TACC2: variants seen among roughly 807,000 people sequenced by gnomAD.
TACC2 encodes transforming acidic coiled-coil containing protein 2.
In TACC2, 137 loss-of-function variants were observed where a neutral mutation model predicts 227.3. The ratio of observed to expected loss-of-function variants is 0.60; its 90% CI spans 0.52 to 0.69. TACC2 has a LOEUF of 0.69. TACC2 is among the 30% of genes least tolerant of loss of function. TACC2 has a pLI of 0.00. For synonymous variants in TACC2, 1,523 were observed against 1,487.5 expected (o/e 1.02, Z -0.55); for missense variants, 3,470 against 3,694.4 (o/e 0.94, Z 1.57).
chr10:122,074,142 G>A (rs1415521862), intron 3 of TACC2, among the ~76,000 whole-genome samples: 2 of 147,060 alleles, frequency 1.4e-5, no homozygotes, highest in African/African-American at 5.1e-5. Context: ...ATGCAGTGGC[G>A]TGATCTTGGC....
chr10:122,221,965 C>T (rs11200488), intron 11 of TACC2, among the ~76,000 whole-genome samples: 1 of 152,258 alleles, frequency 6.6e-6, no homozygotes, highest in East Asian at 1.9e-4. Flanking sequence ...CATTGAAGGC[C>T]CCTCGCTGTG....
chr10:122,229,474 T>C lies in TACC2; in HGVS notation c.8025T>C (p.Ala2675=). 1 of 1,613,940 alleles carries C rather than the reference T, an allele frequency of 6.2e-7. No individual in the cohort carries two copies. Among genetic ancestry groups the C allele is most frequent in the Non-Finnish European group, 8.5e-7 (1 of 1,179,980 alleles). ...DLAEKNPPLF[A]QKLQEELEFA... The stretch of plus-strand genomic sequence containing the variant: ...CAGAAAAGAACCCCCCACTATTCGC[T>C]CAGAAACTCCAGGTTTGTAGCCCAC... Residue 2675 remains alanine, a synonymous_variant, in exon 15 of 23, where the codon GCT becomes GCC. Coordinates refer to ENST00000369005, the MANE Select transcript of TACC2 (RefSeq NM_206862.4).
chr10:122,035,407 A>G (rs1022663725), intron 2 of TACC2, among the ~76,000 whole-genome samples: 15 of 152,214 alleles, frequency 9.9e-5, no homozygotes, highest in Admixed American at 9.8e-4. Flanking sequence ...ATCAGTGAGT[A>G]AATACATTTG....
At chr10:122,040,206 G>T (rs1163319706) in intron 2 of TACC2, among the ~76,000 whole-genome samples, 1 of 152,318 alleles carries the variant, frequency 6.6e-6, no homozygotes, top group African/African-American at 2.4e-5. Context: ...CTCGTTTGGG[G>T]AGTGGGAGGA....
rs186126149 is a variant in TACC2, at chr10:122,230,704, G to A, written c.8127+264G>A. 2.4e-4 allele frequency among the ~76,000 whole-genome samples: 36 copies of A among 152,342 alleles called. 2 individuals are homozygous for A. Among genetic ancestry groups the A allele is most frequent in the Admixed American group, 1.9e-3 (29 of 15,306 alleles). On this transcript the variant is annotated intron_variant, in intron 16 of 22. Coordinates refer to ENST00000369005, the MANE Select transcript of TACC2 (RefSeq NM_206862.4). ...ACAGAGACCAATGTATGGGTCAGTA[G>A]GGTAAAGAAGGCTAGCCTAAGATGG...
chr10:122,109,402 T>C (rs2083325943), intron 5 of TACC2, among the ~76,000 whole-genome samples: 1 of 152,220 alleles, frequency 6.6e-6, no homozygotes, highest in South Asian at 2.1e-4. Context: ...CCTGACGTAC[T>C]GAATCAGAAT....
chr10:122,020,312 TTG>T (rs10556316), intron 1 of TACC2, among the ~76,000 whole-genome samples: 75,462 of 150,422 alleles, frequency 0.5, 18,987 homozygotes, highest in Admixed American at 0.59. Context: ...GAGCATGTGA[TTG>T]TGTGTGTGTG....
intron 5 of TACC2, among the ~76,000 whole-genome samples, chr10:122,098,845 T>C (rs567578084): frequency 1.3e-5 from 2 of 152,324 alleles, no homozygotes; most frequent in African/African-American, 4.8e-5. Context: ...ATGCTTCTTC[T>C]CGTCCTGTAG....
chr10:122,090,825 T>C (rs2080727372), intron 5 of TACC2, among the ~76,000 whole-genome samples: 1 of 152,148 alleles, frequency 6.6e-6, no homozygotes, highest in African/African-American at 2.4e-5. Context: ...CTCTGCTCAA[T>C]GCAGCCTCGA....
intron 13 of TACC2, among the ~76,000 whole-genome samples, chr10:122,227,275 G>A (rs889136809): frequency 5.9e-5 from 9 of 152,232 alleles, no homozygotes. Context: ...TCAAGTAAGT[G>A]TGGGCATTGC....
At chr10:122,112,503 T>C (rs866574312) in intron 5 of TACC2, among the ~76,000 whole-genome samples, 8 of 152,300 alleles carry the variant, frequency 5.3e-5, no homozygotes, top group African/African-American at 1.9e-4. Flanking sequence ...GCGCCATTAA[T>C]ACCACACAGG....
Position 122,083,907 on chromosome 10 carries a change from G to C in TACC2, c.1407G>C (p.Glu469Asp), listed in dbSNP as rs778142032. ...EVVDAGLVGLERQVSDLGSKG... is the reference protein window; with the variant it reads ...EVVDAGLVGLDRQVSDLGSKG... ...TGGATGCAGGGTTGGTGGGACTGGA[G>C]AGGCAGGTGTCAGATCTTGGAAGCA... Residue 469 changes from glutamate to aspartate, a missense_variant, in exon 4 of 23, where the codon GAG (glutamate) becomes GAC (aspartate). Glu to Asp is a conservative substitution (Grantham distance 45, BLOSUM62 2). This residue lies in a region of TACC2 where 1,924 missense variants were observed against 1,978.3 expected (regional missense o/e 0.97). Coordinates refer to ENST00000369005, the MANE Select transcript of TACC2 (RefSeq NM_206862.4). The C allele has an allele frequency of 1.7e-5, 28 of 1,614,034 alleles. No homozygotes were observed. The highest frequency in any genetic ancestry group is 2.7e-5 in the African/African-American group (2 of 74,926).
At chr10:122,047,948 C>T (rs2136147162) in intron 2 of TACC2, among the ~76,000 whole-genome samples, 1 of 152,216 alleles carries the variant, frequency 6.6e-6, no homozygotes, top group Non-Finnish European at 1.5e-5. Flanking sequence ...TTATGTTTTA[C>T]CTTTGGACAC....
intron 11 of TACC2, among the ~76,000 whole-genome samples, chr10:122,218,823 C>T (rs751899263): frequency 8.6e-5 from 13 of 151,718 alleles, no homozygotes; most frequent in Non-Finnish European, 1.3e-4. Context: ...GTGTTCAAGA[C>T]GAGCCTGGGC....
intron 8 of TACC2, among the ~76,000 whole-genome samples, chr10:122,204,260 G>A (rs916015932): frequency 8.5e-5 from 13 of 152,096 alleles, no homozygotes; most frequent in African/African-American, 1.7e-4. Context: ...TTTCCAGAGC[G>A]TCTCATTTCA....
intron 22 of TACC2, among the ~76,000 whole-genome samples, chr10:122,253,416 C>T (rs966154074): frequency 3.3e-5 from 5 of 152,080 alleles, no homozygotes; most frequent in African/African-American, 1.2e-4. Context: ...GGTTGGTTCC[C>T]CTTGATTAGA....
chr10:122,208,871 C>A (rs1474571385), intron 8 of TACC2, among the ~76,000 whole-genome samples: 1 of 152,308 alleles, frequency 6.6e-6, no homozygotes, highest in African/African-American at 2.4e-5. Flanking sequence ...ATCGTGTTTG[C>A]CCTCTTGTCC....
In TACC2 at chr10:122,235,993, A is replaced by G. The variant is rs147758296; in HGVS notation, c.8128-1402A>G. Among the ~76,000 whole-genome samples, 7 of 152,220 alleles carry G rather than the reference A, an allele frequency of 4.6e-5. No homozygotes were observed. The East Asian group carries it at 1.4e-3, about 29-fold the overall frequency. ...AACAGACGTTCAATCTTCCAGGACA[A>G]CCGAAACTATATAGTTTCACCCTGC... On this transcript the variant is annotated intron_variant, in intron 16 of 22. Transcript: ENST00000369005.
intron 9 of TACC2, among the ~76,000 whole-genome samples, chr10:122,212,403 C>T (rs1043068163): frequency 6.6e-6 from 1 of 152,222 alleles, no homozygotes; most frequent in Non-Finnish European, 1.5e-5. Flanking sequence ...GGTCCCCAGA[C>T]ACTTGACAAG....
Sources: gnomAD v4.1 joint callset for allele counts (sites outside exome capture counted in the v4.1 genomes callset) on GRCh38, gnomAD v4.1.1 for gene constraint, gnomAD v4.1.1 regional missense constraint, MANE v1.5 for transcripts, NCBI Gene and HGNC (gene_info 2026-07-23, HGNC 2026-07-21) for gene names.